The following SDK1 variants were observed in gnomAD, a reference collection of about 807,000 sequenced individuals.
The protein encoded by SDK1 is sidekick cell adhesion molecule 1.
A neutral mutation model predicts 245.5 loss-of-function variants in SDK1; 157 were observed. The ratio of observed to expected loss-of-function variants is 0.64; its 90% CI spans 0.56 to 0.73. SDK1 has a LOEUF of 0.73. Among genes scored for constraint, SDK1 ranks in the 30% least tolerant of loss-of-function variants. SDK1 has a pLI of 0.00. For missense variants in SDK1, 3,583 were observed against 3,002.3 expected (o/e 1.19, Z -4.52); for synonymous variants, 1,647 against 1,278.5 (o/e 1.29, Z -6.15).
chr7:3,628,915 C>G (rs1049516238), intron 2 of SDK1, among the ~76,000 whole-genome samples: 1 of 152,028 alleles, frequency 6.6e-6, no homozygotes, highest in Non-Finnish European at 1.5e-5. Flanking sequence ...CCAGGCAGAA[C>G]CTAGAGGACC....
chr7:4,022,677 A>G (rs1786998835), intron 17 of SDK1, among the ~76,000 whole-genome samples: 1 of 151,516 alleles, frequency 6.6e-6, no homozygotes, highest in African/African-American at 2.4e-5. Flanking sequence ...CTTCCAGGCA[A>G]CTCCTTAAGG....
At chr7:3,693,511 G>A (rs932490214) in intron 4 of SDK1, among the ~76,000 whole-genome samples, 89 of 152,194 alleles carry the variant, frequency 5.8e-4, no homozygotes, top group African/African-American at 2.1e-3. Context: ...TTATCTGTCC[G>A]TCAGCTGATC....
At chr7:3,822,428 C>G (rs41878) in intron 5 of SDK1, among the ~76,000 whole-genome samples, 31,301 of 152,044 alleles carry the variant, frequency 0.21, 3,946 homozygotes, top group Non-Finnish European at 0.28. Context: ...TGGATTTTAT[C>G]TTTTTAAAAA....
At chr7:3,599,905 G>C (rs1012425570) in intron 1 of SDK1, among the ~76,000 whole-genome samples, 19 of 152,124 alleles carry the variant, frequency 1.2e-4, no homozygotes, top group Admixed American at 6.5e-5. Context: ...AATTGTTTTA[G>C]ATATTCTACT....
Position 3,771,226 on chromosome 7 carries a change from G to A in SDK1, c.714-50224G>A, listed in dbSNP as rs140668936. 3.5e-3 allele frequency among the ~76,000 whole-genome samples: 531 copies of A among 152,120 alleles called. 5 individuals carry two copies. Among genetic ancestry groups the A allele is most frequent in the African/African-American group, 0.012 (509 of 41,498 alleles). On this transcript the variant is annotated intron_variant, in intron 4 of 44. Coordinates refer to ENST00000404826, the MANE Select transcript of SDK1 (RefSeq NM_152744.4). ...GCCCACCTGGGCTTGTGCACATGATGGTTGCAGGGATCCAGGATAGTGTGG... is the reference window on the plus strand; with the variant it reads ...GCCCACCTGGGCTTGTGCACATGATAGTTGCAGGGATCCAGGATAGTGTGG...
At chr7:3,410,669 C>A (rs1419819857) in intron 1 of SDK1, among the ~76,000 whole-genome samples, 1 of 147,520 alleles carries the variant, frequency 6.8e-6, no homozygotes, top group African/African-American at 2.6e-5. Flanking sequence ...TTACTGCAAC[C>A]TCCGCCTCCC....
intron 22 of SDK1, among the ~76,000 whole-genome samples, chr7:4,090,256 C>T (rs532366670): frequency 3.9e-5 from 6 of 152,250 alleles, no homozygotes; most frequent in African/African-American, 1.4e-4. Context: ...TCTTTAAAAA[C>T]CTCATTTCTC....
intron 1 of SDK1, among the ~76,000 whole-genome samples, chr7:3,422,398 C>G (rs1779557633): frequency 1.3e-5 from 2 of 152,194 alleles, no homozygotes; most frequent in Non-Finnish European, 2.9e-5. Flanking sequence ...TGAGTCAAAT[C>G]TAAATAAATG....
At chr7:3,413,386 G>A (rs957199157) in intron 1 of SDK1, among the ~76,000 whole-genome samples, 6 of 152,124 alleles carry the variant, frequency 3.9e-5, no homozygotes, top group African/African-American at 1.2e-4. Flanking sequence ...GTGATGTTGA[G>A]ATTTACTTGT....
At chr7:3,982,841 A>G (rs1011255005) in intron 13 of SDK1, among the ~76,000 whole-genome samples, 37 of 148,586 alleles carry the variant, frequency 2.5e-4, no homozygotes, top group African/African-American at 8.8e-4. Context: ...CAACATCTCA[A>G]AAAAAAAAAA....
At chr7:4,232,399 TTTC>T (rs1785840386) in intron 40 of SDK1, among the ~76,000 whole-genome samples, 1 of 115,108 alleles carries the variant, frequency 8.7e-6, no homozygotes, top group African/African-American at 3.4e-5. Flanking sequence ...TTTCTTTTCT[TTTC>T]TTTTCTTTCT....
Position 4,145,903 on chromosome 7 carries a change from C to T in SDK1, c.4410C>T (p.Thr1470=). 1 of 1,607,310 alleles carries T rather than the reference C, an allele frequency of 6.2e-7. No homozygotes were observed. The highest frequency in any genetic ancestry group is 8.5e-7 in the Non-Finnish European group (1 of 1,177,154). Residue 1470 remains threonine, a synonymous_variant, in exon 29 of 45, where the codon ACC becomes ACT. Transcript: ENST00000404826. The part of the protein sequence containing the change: ...WGEPLEATVI[T]TEKRERPAPP... ...AGCCACTGGAGGCCACCGTCATCAC[C>T]ACCGAGAAGAGAGGTAAGACCTTGG...
intron 4 of SDK1, among the ~76,000 whole-genome samples, chr7:3,715,738 G>A (rs1183719719): frequency 6.6e-6 from 1 of 152,106 alleles, no homozygotes; most frequent in Non-Finnish European, 1.5e-5. Flanking sequence ...CGTCCACAGA[G>A]AATGGAAAAT....
chr7:4,089,264 G>T (rs865793616), intron 22 of SDK1, among the ~76,000 whole-genome samples: 2 of 152,222 alleles, frequency 1.3e-5, no homozygotes, highest in Non-Finnish European at 2.9e-5. Context: ...AGGGTGCTCA[G>T]TGCCTCCCAA....
chr7:3,937,469 G>C, intron 5 of SDK1, among the ~76,000 whole-genome samples: 1 of 152,176 alleles, frequency 6.6e-6, no homozygotes, highest in East Asian at 1.9e-4. Flanking sequence ...TGTCCTCACC[G>C]CTCTTCTTAA....
At chr7:3,526,392 C>A (rs890253623) in intron 1 of SDK1, among the ~76,000 whole-genome samples, 1 of 152,004 alleles carries the variant, frequency 6.6e-6, no homozygotes, top group Admixed American at 6.6e-5. Context: ...GAAGTCAGTT[C>A]TTTGTCTATG....
intron 14 of SDK1, among the ~76,000 whole-genome samples, chr7:3,987,558 G>A (rs1298414848): frequency 6.6e-6 from 1 of 152,076 alleles, no homozygotes; most frequent in Non-Finnish European, 1.5e-5. Context: ...GTGGATTTGG[G>A]GCCCCATGGG....
chr7:4,061,576 A>C (rs1248371558), intron 19 of SDK1, among the ~76,000 whole-genome samples: 1 of 152,142 alleles, frequency 6.6e-6, no homozygotes, highest in Non-Finnish European at 1.5e-5. Context: ...CAGTGTGGCG[A>C]TTCCTCAGGG....
intron 5 of SDK1, among the ~76,000 whole-genome samples, chr7:3,857,838 T>C (rs935865333): frequency 2.0e-5 from 3 of 152,142 alleles, no homozygotes; most frequent in African/African-American, 7.2e-5. Context: ...TACAGTAAAA[T>C]AGGAACATAC....
Sources: allele counts gnomAD v4.1 joint callset (sites outside exome capture counted in the v4.1 genomes callset), GRCh38; gene constraint gnomAD v4.1.1; transcripts MANE v1.5; gene names NCBI Gene and HGNC (gene_info 2026-07-23, HGNC 2026-07-21).